Variants in CDH8 observed in about 807,000 individuals in gnomAD.
CDH8 encodes the protein cadherin-8.
CDH8 carries 17 observed loss-of-function variants against 68.1 expected under a neutral mutation model. The ratio of observed to expected loss-of-function variants is 0.25; its 90% CI spans 0.17 to 0.37. The LOEUF (loss-of-function observed/expected upper bound fraction) is 0.37. CDH8 is among the 10% of genes least tolerant of loss of function. CDH8 has a pLI of 1.00. For synonymous variants in CDH8, 372 were observed against 365.1 expected (o/e 1.02, Z -0.21); for missense variants, 763 against 999.3 (o/e 0.76, Z 3.19).
At chr16:61,670,635 A>T (rs1025015146) in intron 10 of CDH8, among the ~76,000 whole-genome samples, 1 of 152,074 alleles carries the variant, frequency 6.6e-6, no homozygotes, top group Non-Finnish European at 1.5e-5. Flanking sequence ...GTTGATTAAA[A>T]TGTTAAAAAT....
At chr16:61,932,697 C>T (rs1964565340) in intron 2 of CDH8, among the ~76,000 whole-genome samples, 1 of 152,154 alleles carries the variant, frequency 6.6e-6, no homozygotes, top group Non-Finnish European at 1.5e-5. Flanking sequence ...GAGTTGTTTC[C>T]TGTCTTCTAT....
chr16:61,756,596 G>A (rs1424398047), intron 8 of CDH8, among the ~76,000 whole-genome samples: 1 of 152,122 alleles, frequency 6.6e-6, no homozygotes, highest in Non-Finnish European at 1.5e-5. Context: ...GAGCAATTAT[G>A]TGGTACTATC....
intron 4 of CDH8, among the ~76,000 whole-genome samples, chr16:61,852,877 C>CCTTCCTTCCTTCCATT (rs1962966628): frequency 3.7e-5 from 5 of 133,686 alleles, no homozygotes; most frequent in African/African-American, 1.3e-4. Context: ...TTCCTTCCTT[C>CCTTCCTTCCTTCCATT]CTTCCTTCCT....
intron 10 of CDH8, among the ~76,000 whole-genome samples, chr16:61,687,146 T>C (rs752238215): frequency 3.3e-5 from 5 of 151,916 alleles, no homozygotes; most frequent in Non-Finnish European, 7.4e-5. Flanking sequence ...ATACATTAAT[T>C]ATAGTCTCAT....
chr16:61,749,895 A>G (rs8064048), intron 8 of CDH8, among the ~76,000 whole-genome samples: 23,233 of 151,954 alleles, frequency 0.15, 2,869 homozygotes, highest in African/African-American at 0.34. Context: ...CTTTTAAAAT[A>G]TATATATTTT....
intron 8 of CDH8, among the ~76,000 whole-genome samples, chr16:61,773,352 C>T (rs1429074): frequency 0.014 from 2,061 of 152,002 alleles, 44 homozygotes; most frequent in African/African-American, 0.046. Context: ...AGTTTGTTGT[C>T]CCCACTTTGC....
At chr16:61,717,468 A>C (rs1964753668) in intron 9 of CDH8, among the ~76,000 whole-genome samples, 1 of 151,676 alleles carries the variant, frequency 6.6e-6, no homozygotes, top group South Asian at 2.1e-4. Context: ...ATTGTTTATC[A>C]AAAATTCTAA....
At chr16:61,720,345 T>A (rs1260431965) in intron 9 of CDH8, among the ~76,000 whole-genome samples, 3 of 151,008 alleles carry the variant, frequency 2.0e-5, no homozygotes, top group Non-Finnish European at 4.5e-5. Context: ...TCATCATGGC[T>A]TTTATGAACA....
chr16:61,913,121 A>G (rs1000715352), intron 2 of CDH8, among the ~76,000 whole-genome samples: 8 of 152,186 alleles, frequency 5.3e-5, no homozygotes, highest in African/African-American at 1.9e-4. Context: ...AACAATTTGC[A>G]TAGACATAAT....
At chr16:61,704,448 G>A (rs16963866) in intron 10 of CDH8, among the ~76,000 whole-genome samples, 3,746 of 152,140 alleles carry the variant, frequency 0.025, 152 homozygotes, top group African/African-American at 0.084. Flanking sequence ...TTTTAGAAGC[G>A]TATCTTTTAA....
intron 11 of CDH8, among the ~76,000 whole-genome samples, chr16:61,654,651 C>T (rs1281243978): frequency 1.3e-5 from 2 of 152,094 alleles, no homozygotes. Context: ...GGAAGAGAAA[C>T]CTGAATGTGA....
chr16:61,903,606 C>T (rs893805960), intron 2 of CDH8, among the ~76,000 whole-genome samples: 4 of 152,112 alleles, frequency 2.6e-5, no homozygotes, highest in African/African-American at 9.7e-5. Context: ...CCACCTCGCC[C>T]GGCGAAGCAT....
At chr16:62,002,316 G>A (rs1470338574) in intron 2 of CDH8, among the ~76,000 whole-genome samples, 2 of 152,116 alleles carry the variant, frequency 1.3e-5, no homozygotes, top group Non-Finnish European at 2.9e-5. Context: ...TTTTATAAGA[G>A]ACTATATATC....
intron 10 of CDH8, among the ~76,000 whole-genome samples, chr16:61,658,667 C>T (rs1963498898): frequency 6.6e-6 from 1 of 152,014 alleles, no homozygotes; most frequent in African/African-American, 2.4e-5. Flanking sequence ...GTGTTGGTTA[C>T]AGCATTTTCT....
intron 8 of CDH8, among the ~76,000 whole-genome samples, chr16:61,735,451 C>G (rs1285718202): frequency 6.6e-6 from 1 of 151,878 alleles, no homozygotes; most frequent in Non-Finnish European, 1.5e-5. Context: ...GGTTAAGTAC[C>G]CCATAACTCT....
chr16:61,728,310 T>C (rs1298100246), intron 8 of CDH8, among the ~76,000 whole-genome samples: 1 of 150,892 alleles, frequency 6.6e-6, no homozygotes, highest in Non-Finnish European at 1.5e-5. Context: ...AATAGCTATA[T>C]TTATGCTACA....
At chr16:61,753,849 TAATAATAATAAGTAATAAGGAAAAAAC>T (rs1334367143) in intron 8 of CDH8, among the ~76,000 whole-genome samples, 1 of 152,108 alleles carries the variant, frequency 6.6e-6, no homozygotes, top group Non-Finnish European at 1.5e-5. Context: ...GTAGAAAAAG[TAATAATAATAAGTAATAAGGAAAAAAC>T]AATAATAAAA....
chr16:61,768,380 C>CCCTT (rs1960679347), intron 8 of CDH8, among the ~76,000 whole-genome samples: 2 of 105,446 alleles, frequency 1.9e-5, no homozygotes, highest in East Asian at 2.7e-4. Context: ...CTTTCTCTCT[C>CCCTT]TCTCTCTCTC....
intron 10 of CDH8, among the ~76,000 whole-genome samples, chr16:61,680,175 A>G (rs1963987117): frequency 6.6e-6 from 1 of 151,998 alleles, no homozygotes; most frequent in African/African-American, 2.4e-5. Flanking sequence ...AACTTGGGCA[A>G]ACATACATCT....
Sources: allele counts gnomAD v4.1 joint callset (sites outside exome capture counted in the v4.1 genomes callset), GRCh38; gene constraint gnomAD v4.1.1; transcripts MANE v1.5; gene names NCBI Gene and HGNC (gene_info 2026-07-23, HGNC 2026-07-21).